Variants in DACH2 observed in about 807,000 individuals in gnomAD.
The protein encoded by DACH2 is dachshund homolog 2.
Under a neutral mutation model 35.8 loss-of-function variants are expected in DACH2, and 17 were observed. The observed-to-expected ratio is 0.48, with a 90% CI of 0.33 to 0.71. The LOEUF (loss-of-function observed/expected upper bound fraction) is 0.71. Ranked by LOEUF, DACH2 falls within the 30% of genes least tolerant of loss-of-function variation. The pLI is 0.02. For synonymous variants in DACH2, 195 were observed against 177.3 expected (o/e 1.10, Z -0.79); for missense variants, 469 against 472.7 (o/e 0.99, Z 0.07).
chrX:86,571,535 A>G (rs1460909221), intron 3 of DACH2, among the ~76,000 whole-genome samples: 1 of 109,407 alleles, frequency 9.1e-6, no homozygotes, highest in African/African-American at 3.3e-5. Context: ...CATCATTCTC[A>G]GCAAACTAAC....
intron 2 of DACH2, among the ~76,000 whole-genome samples, chrX:86,473,938 C>A (rs2037799993): frequency 9.0e-6 from 1 of 111,644 alleles, no homozygotes; most frequent in South Asian, 3.7e-4. Context: ...GAGGAACCTC[C>A]AAACTGTCTT....
At chrX:86,511,372 C>T (rs976366573) in intron 2 of DACH2, among the ~76,000 whole-genome samples, 4 of 111,529 alleles carry the variant, frequency 3.6e-5, no homozygotes, top group African/African-American at 1.3e-4. Context: ...ACTCTTGGGG[C>T]CCAAGTCTTT....
intron 3 of DACH2, among the ~76,000 whole-genome samples, chrX:86,569,787 A>G (rs1249841960): frequency 8.9e-6 from 1 of 111,842 alleles, no homozygotes; most frequent in African/African-American, 3.3e-5. Flanking sequence ...AGAAACTATC[A>G]TCAGAGCAAA....
intron 1 of DACH2, among the ~76,000 whole-genome samples, chrX:86,277,400 TG>T (rs2033936687): frequency 8.9e-6 from 1 of 112,092 alleles, no homozygotes; most frequent in Non-Finnish European, 1.9e-5. Flanking sequence ...CATTTGATAT[TG>T]GAATACATTC....
At chrX:86,260,080 C>A (rs1429892989) in intron 1 of DACH2, among the ~76,000 whole-genome samples, 1 of 110,763 alleles carries the variant, frequency 9.0e-6, no homozygotes, top group African/African-American at 3.3e-5. Context: ...AAAATCTATT[C>A]AAGATAGGTA....
intron 1 of DACH2, among the ~76,000 whole-genome samples, chrX:86,316,260 G>T (rs1382189337): frequency 1.8e-5 from 2 of 110,287 alleles, no homozygotes; most frequent in Non-Finnish European, 3.8e-5. Flanking sequence ...TCTGCTTCTA[G>T]ATTCCCTATC....
intron 1 of DACH2, among the ~76,000 whole-genome samples, chrX:86,297,169 A>T (rs1257793866): frequency 1.8e-5 from 2 of 108,581 alleles, no homozygotes; most frequent in Non-Finnish European, 3.8e-5. Context: ...AATTTTCAGA[A>T]TATTATGGGG....
intron 3 of DACH2, among the ~76,000 whole-genome samples, chrX:86,527,755 T>C (rs1418988566): frequency 2.7e-5 from 3 of 111,845 alleles, no homozygotes; most frequent in Admixed American, 9.5e-5. Context: ...ATGTCTATGT[T>C]TATAGGAAAC....
chrX:86,274,796 C>T (rs2033888474), intron 1 of DACH2, among the ~76,000 whole-genome samples: 1 of 110,946 alleles, frequency 9.0e-6, no homozygotes, highest in Non-Finnish European at 1.9e-5. Context: ...CCGCGCCCTG[C>T]CAACATTAAA....
intron 2 of DACH2, among the ~76,000 whole-genome samples, chrX:86,455,359 C>T (rs1434605387): frequency 9.0e-6 from 1 of 111,343 alleles, no homozygotes; most frequent in Non-Finnish European, 1.9e-5. Flanking sequence ...ACCATTTGGA[C>T]TCTTCCAAAG....
intron 7 of DACH2, among the ~76,000 whole-genome samples, chrX:86,809,340 G>A (rs1453678074): frequency 1.8e-5 from 2 of 110,785 alleles, no homozygotes; most frequent in African/African-American, 6.6e-5. Context: ...ATTTAAAATT[G>A]TATTGCCAAT....
At chrX:86,770,933 A>G (rs889050184) in intron 7 of DACH2, among the ~76,000 whole-genome samples, 1 of 113,237 alleles carries the variant, frequency 8.8e-6, no homozygotes, top group South Asian at 3.6e-4. Flanking sequence ...ATAATATATC[A>G]CATAAATGTG....
intron 4 of DACH2, among the ~76,000 whole-genome samples, chrX:86,651,815 G>T (rs2040481539): frequency 8.9e-6 from 1 of 111,857 alleles, no homozygotes; most frequent in South Asian, 3.7e-4. Flanking sequence ...AAGTAGGTGG[G>T]ATTATAACTA....
At chrX:86,402,443 A>G (rs2036451382) in intron 2 of DACH2, among the ~76,000 whole-genome samples, 1 of 111,728 alleles carries the variant, frequency 9.0e-6, no homozygotes, top group Non-Finnish European at 1.9e-5. Flanking sequence ...GTCACAAAGA[A>G]AATGAAATAC....
In DACH2 at chrX:86,832,093, C is replaced by CTT; in HGVS notation, c.1751-5_1751-4dup. 9 of 1,103,816 alleles carry CTT rather than the reference C, an allele frequency of 8.2e-6. No individual in the cohort carries two copies. The highest frequency in any genetic ancestry group is 4.7e-5 in the Admixed American group (2 of 42,298). The allele number at this position is 1,103,816 out of a possible 1,213,427, so 91.0% of individuals were successfully genotyped here. A position where few individuals can be genotyped will look rare whatever the true frequency, so the allele number is the denominator to read the frequency against. The stretch of plus-strand genomic sequence containing the variant: ...CTCTTCATAAGAACTAACTTGTTTT[C>CTT]TTTTTTTTTAAGGAGGTAACTATTA... On this transcript the variant is annotated splice_polypyrimidine_tract_variant and intron_variant, in intron 11 of 11. Transcript: ENST00000373125.
At chrX:86,618,095 G>T (rs914392512) in intron 3 of DACH2, among the ~76,000 whole-genome samples, 20 of 111,417 alleles carry the variant, frequency 1.8e-4, no homozygotes, top group African/African-American at 6.2e-4. Context: ...GGGCTACACA[G>T]ATAAACACTA....
intron 2 of DACH2, among the ~76,000 whole-genome samples, chrX:86,472,579 G>A (rs958344927): frequency 8.9e-6 from 1 of 111,747 alleles, no homozygotes; most frequent in African/African-American, 3.2e-5. Flanking sequence ...GCTATAGGAC[G>A]CTTCTGTGGG....
At chrX:86,537,471 TG>T (rs1162271608) in intron 3 of DACH2, among the ~76,000 whole-genome samples, 1 of 111,412 alleles carries the variant, frequency 9.0e-6, no homozygotes, top group Non-Finnish European at 1.9e-5. Context: ...AAACATTTTC[TG>T]GGCCACACCC....
At chrX:86,596,671 G>A (rs1307370011) in intron 3 of DACH2, among the ~76,000 whole-genome samples, 2 of 111,068 alleles carry the variant, frequency 1.8e-5, no homozygotes, top group African/African-American at 3.3e-5. Context: ...TCTGTCCGTT[G>A]TCTTTTTAAC....
Sources: gnomAD v4.1 joint callset for allele counts (sites outside exome capture counted in the v4.1 genomes callset) on GRCh38, gnomAD v4.1.1 for gene constraint, MANE v1.5 for transcripts, NCBI Gene and HGNC (gene_info 2026-07-23, HGNC 2026-07-21) for gene names.